ARHGEF12: variants seen among roughly 807,000 people sequenced by gnomAD.
ARHGEF12 encodes the protein Rho guanine nucleotide exchange factor 12, also known as KMT2A/ARHGEF12 fusion protein.
In ARHGEF12, 66 loss-of-function variants were observed where a neutral mutation model predicts 211.2. The observed-to-expected ratio is 0.31, with a 90% CI of 0.26 to 0.38. The LOEUF (loss-of-function observed/expected upper bound fraction) is 0.38. ARHGEF12 is among the 10% of genes least tolerant of loss of function. The pLI is 1.00. For synonymous variants in ARHGEF12, 592 were observed against 638.4 expected (o/e 0.93, Z 1.09); for missense variants, 1,429 against 1,869.5 (o/e 0.76, Z 4.34).
At chr11:120,377,114 C>T (rs1281792115) in intron 1 of ARHGEF12, among the ~76,000 whole-genome samples, 1 of 152,090 alleles carries the variant, frequency 6.6e-6, no homozygotes, top group Non-Finnish European at 1.5e-5. Context: ...GGAGTGCAGG[C>T]CTCTTTGATA....
intron 15 of ARHGEF12, among the ~76,000 whole-genome samples, chr11:120,442,435 C>T (rs1032952856): frequency 4.4e-4 from 58 of 132,758 alleles, no homozygotes; most frequent in Middle Eastern, 4.3e-3. Context: ...TATACACACA[C>T]ACACACACAC....
chr11:120,424,318 T>G (rs770561931), intron 6 of ARHGEF12, 40 bp from the exon 7 acceptor site: 10 of 1,473,502 alleles, frequency 6.8e-6, no homozygotes, highest in East Asian at 2.3e-5. Context: ...ATTGTCTCAA[T>G]AGAATGTATC....
chr11:120,447,393 C>CAT (rs1490295212), intron 18 of ARHGEF12: 1 of 270,650 alleles, frequency 3.7e-6, no homozygotes, highest in African/African-American at 2.2e-5. Context: ...TGCCATGAAG[C>CAT]ATATACAGTT....
At chr11:120,418,535 C>A (rs1225361279) in intron 4 of ARHGEF12, among the ~76,000 whole-genome samples, 1 of 152,200 alleles carries the variant, frequency 6.6e-6, no homozygotes, top group Non-Finnish European at 1.5e-5. Flanking sequence ...TTTCTGTGGA[C>A]ACAAATTGTT....
intron 1 of ARHGEF12, among the ~76,000 whole-genome samples, chr11:120,397,267 A>G (rs980048923): frequency 6.6e-6 from 1 of 152,206 alleles, no homozygotes; most frequent in African/African-American, 2.4e-5. Flanking sequence ...TCTGTTGCCA[A>G]AACAAGCTTC....
intron 20 of ARHGEF12, 127 bp from the exon 21 acceptor site, chr11:120,448,982 C>T (rs957393615): frequency 1.4e-6 from 1 of 723,858 alleles, no homozygotes; most frequent in Non-Finnish European, 2.3e-6. Context: ...TGTGTGCATA[C>T]ACACGTGTAC....
At chr11:120,383,263 G>C (rs1333715139) in intron 1 of ARHGEF12, among the ~76,000 whole-genome samples, 1 of 152,104 alleles carries the variant, frequency 6.6e-6, no homozygotes, top group Non-Finnish European at 1.5e-5. Flanking sequence ...AAGAGTCCTA[G>C]AGCAGTGGTC....
intron 1 of ARHGEF12, among the ~76,000 whole-genome samples, chr11:120,378,709 A>G (rs1317358226): frequency 1.3e-5 from 2 of 152,224 alleles, no homozygotes. Context: ...GTTTTCCAGC[A>G]CCATTTGCAG....
chr11:120,459,367 GA>G (rs1313342485), intron 26 of ARHGEF12, 47 bp downstream of exon 26: 1 of 1,576,318 alleles, frequency 6.3e-7, no homozygotes, highest in East Asian at 2.3e-5. Flanking sequence ...TTCCAATAGA[GA>G]AAAGATTGTG....
chr11:120,436,420 G>A lies in ARHGEF12; in HGVS notation c.925-888G>A, dbSNP rs76710092. On this transcript the variant is annotated intron_variant, in intron 11 of 40. Transcript: ENST00000397843. ...AAATGTATCTTCCCTATTGGCACTC[G>A]TTAGGTCTCTGGTTCCTCATTTTCA... 9.1e-3 allele frequency among the ~76,000 whole-genome samples: 1,381 copies of A among 152,062 alleles called. 89 individuals are homozygous for A. In the South Asian group the frequency reaches 0.16, roughly 18 times the overall value.
chr11:120,482,744 CA>C (rs11289906), intron 39 of ARHGEF12, among the ~76,000 whole-genome samples: 52,146 of 118,874 alleles, frequency 0.44, 10,011 homozygotes, highest in East Asian at 0.64. Flanking sequence ...GACTCTGTCT[CA>C]AAAAAAAAAA....
chr11:120,440,162 C>T lies in ARHGEF12; in HGVS notation c.1033C>T (p.Arg345Cys), dbSNP rs752565950. Residue 345 changes from arginine (R) to cysteine (C), a missense_variant, in exon 13 of 41, where the codon CGT becomes TGT. Transcript: ENST00000397843. The stretch of plus-strand genomic sequence containing the variant: ...ATCACTTGTCGGAAGTCCCTCAACC[C>T]GTATAGCACCTCATATTATTGGAGC... ...TQSLVGSPST[R>C]IAPHIIGAED... 1.4e-5 allele frequency: 22 copies of T among 1,613,248 alleles called. No homozygotes were observed. The highest frequency in any genetic ancestry group is 8.3e-5 in the Admixed American group (5 of 59,954).
intron 1 of ARHGEF12, chr11:120,337,828 G>C (rs1942402746): frequency 1.0e-6 from 1 of 985,324 alleles, no homozygotes; most frequent in African/African-American, 1.7e-5. Context: ...GTAAATCACA[G>C]GTTCTTGCTG....
chr11:120,470,298 A>G (rs548327938), intron 30 of ARHGEF12, among the ~76,000 whole-genome samples: 1 of 152,356 alleles, frequency 6.6e-6, no homozygotes, highest in South Asian at 2.1e-4. Context: ...AGGATAGATG[A>G]TGGCAGCTTA....
At chr11:120,361,090 T>C (rs1328128439) in intron 1 of ARHGEF12, among the ~76,000 whole-genome samples, 2 of 152,236 alleles carry the variant, frequency 1.3e-5, no homozygotes, top group Non-Finnish European at 2.9e-5. Context: ...GTCAACTTTG[T>C]CCAACTTTAT....
chr11:120,450,492 G>C (rs11217872), intron 21 of ARHGEF12: 24,040 of 151,884 alleles, frequency 0.16, 2,552 homozygotes, highest in Non-Finnish European at 0.23. Flanking sequence ...CTCTTGTTGA[G>C]AAACATTGAG....
chr11:120,341,818 T>G (rs772684027), intron 1 of ARHGEF12, among the ~76,000 whole-genome samples: 2 of 152,252 alleles, frequency 1.3e-5, no homozygotes, highest in African/African-American at 4.8e-5. Context: ...CATGCTCCTT[T>G]CCCTTATAAT....
chr11:120,383,269 T>G (rs1943928601), intron 1 of ARHGEF12, among the ~76,000 whole-genome samples: 1 of 152,112 alleles, frequency 6.6e-6, no homozygotes, highest in Admixed American at 6.6e-5. Context: ...CCTAGAGCAG[T>G]GGTCCCCAAC....
At chr11:120,433,797 T>A (rs946279197) in intron 11 of ARHGEF12, among the ~76,000 whole-genome samples, 1 of 151,750 alleles carries the variant, frequency 6.6e-6, no homozygotes. Context: ...CTACTAAAAA[T>A]ACAAAAAAAA....
Sources: allele counts gnomAD v4.1 joint callset (sites outside exome capture counted in the v4.1 genomes callset), GRCh38; gene constraint gnomAD v4.1.1; transcripts MANE v1.5; gene names NCBI Gene and HGNC (gene_info 2026-07-23, HGNC 2026-07-21).